The following ZNF429 variants were observed in gnomAD, a reference collection of about 807,000 sequenced individuals.
ZNF429 encodes the protein zinc finger protein 429.
In ZNF429, 53 loss-of-function variants were observed where a neutral mutation model predicts 56.8. The observed-to-expected ratio is 0.93, with a 90% confidence interval of 0.75 to 1.17. The LOEUF is 1.17. Among genes scored for constraint, ZNF429 ranks in the 50% most tolerant of loss-of-function variants. The probability of loss-of-function intolerance (pLI) is 0.00; values close to 1 mark genes in which losing one functional copy is unlikely to be tolerated. For synonymous variants in ZNF429, 278 were observed against 264.7 expected, an observed-to-expected ratio of 1.05 and a Z score of -0.49; for missense variants, 849 against 788.4, an observed-to-expected ratio of 1.08 and a Z score of -0.92.
intron 1 of ZNF429, among the ~76,000 whole-genome samples, chr19:21,511,949 C>T (rs919152871): frequency 1.7e-4 from 26 of 152,066 alleles, no homozygotes; most frequent in African/African-American, 5.8e-4. Flanking sequence ...TGGCGGTGCG[C>T]GCCTGGAATC....
intron 1 of ZNF429, among the ~76,000 whole-genome samples, chr19:21,511,859 A>G (rs7359908): frequency 0.81 from 122,556 of 152,036 alleles, 50,056 homozygotes; most frequent in African/African-American, 0.94. Flanking sequence ...CGGATCACTC[A>G]CGGTTAGGAG....
chr19:21,526,865 G>A (rs1017578422), intron 1 of ZNF429, among the ~76,000 whole-genome samples: 2 of 152,142 alleles, frequency 1.3e-5, no homozygotes, highest in Non-Finnish European at 2.9e-5. Context: ...TGTTCTTGCA[G>A]TCAATCTGGA....
chr19:21,511,452 G>C (rs1217452484), intron 1 of ZNF429, among the ~76,000 whole-genome samples: 2 of 151,892 alleles, frequency 1.3e-5, no homozygotes, highest in South Asian at 2.1e-4. Flanking sequence ...CAGTGGGGCA[G>C]AGGCGCTCCC....
chr19:21,538,025 G>A lies in ZNF429; in HGVS notation c.1972G>A (p.Gly658Arg). 6.2e-7 allele frequency: 1 copy of A among 1,605,868 alleles called. No homozygotes were observed. Among genetic ancestry groups the A allele is most frequent in the South Asian group, 1.1e-5 (1 of 90,760 alleles). The change falls in exon 4 of 4, where the codon GGA (glycine) becomes AGA (arginine). Residue 658 changes from glycine (G) to arginine (R), a missense_variant. By Grantham distance (125) the Gly-to-Arg change is moderately radical. Transcript: ENST00000358491. ...VAHACNPSTL[G>R]GRGGRITRSG... ...TCATGCCTGTAATCCCAGCACTTTG[G>A]GAGGCAGAGGTGGGCGGATCACGAG... is the stretch of plus-strand genomic sequence containing the variant.
At chr19:21,531,106 C>CAAAAAAAAAAAAAAAACA in intron 3 of ZNF429, among the ~76,000 whole-genome samples, 1 of 17,560 alleles carries the variant, frequency 5.7e-5, no homozygotes, top group African/African-American at 3.0e-4. Flanking sequence ...AACTCCATCT[C>CAAAAAAAAAAAAAAAACA]AAAAAAAAAA....
At chr19:21,533,910 T>A in intron 3 of ZNF429, among the ~76,000 whole-genome samples, 1 of 152,260 alleles carries the variant, frequency 6.6e-6, no homozygotes, top group Non-Finnish European at 1.5e-5. Flanking sequence ...TTAAAGAGAT[T>A]TTCTTTTCTC....
chr19:21,517,934 C>A (rs558028114), intron 1 of ZNF429, among the ~76,000 whole-genome samples: 19 of 151,718 alleles, frequency 1.3e-4, no homozygotes, highest in African/African-American at 4.4e-4. Context: ...GATGGGACTA[C>A]GGGCACCCGC....
chr19:21,533,940 A>G, intron 3 of ZNF429, among the ~76,000 whole-genome samples: 1 of 152,166 alleles, frequency 6.6e-6, no homozygotes, highest in South Asian at 2.1e-4. Context: ...CTCATGGCAC[A>G]CAACAGATCA....
chr19:21,531,125 A>AAC, intron 3 of ZNF429, among the ~76,000 whole-genome samples: 1 of 103,036 alleles, frequency 9.7e-6, no homozygotes, highest in African/African-American at 3.6e-5. Flanking sequence ...AAAAAAAAAA[A>AAC]AAAACCAAAA....
At chr19:21,508,635 T>C (rs2032303787) in intron 1 of ZNF429, among the ~76,000 whole-genome samples, 1 of 152,192 alleles carries the variant, frequency 6.6e-6, no homozygotes, top group Non-Finnish European at 1.5e-5. Flanking sequence ...TCTATCTTTT[T>C]TTTTTGTTAA....
intron 3 of ZNF429, among the ~76,000 whole-genome samples, chr19:21,531,351 AC>A: frequency 6.6e-6 from 1 of 152,114 alleles, no homozygotes; most frequent in African/African-American, 2.4e-5. Context: ...TGGGGACCCA[AC>A]AAAAGAGGCT....
chr19:21,534,650 A>G, intron 3 of ZNF429, among the ~76,000 whole-genome samples: 1 of 152,196 alleles, frequency 6.6e-6, no homozygotes, highest in African/African-American at 2.4e-5. Context: ...GATTAAAGGC[A>G]TGACCCACTG....
intron 1 of ZNF429, among the ~76,000 whole-genome samples, chr19:21,514,030 T>C (rs1008826337): frequency 6.6e-6 from 1 of 152,170 alleles, no homozygotes; most frequent in African/African-American, 2.4e-5. Context: ...GCAACCTGTT[T>C]TTCTCCACCA....
In ZNF429 at chr19:21,540,481, A is replaced by C. The variant is rs1200462216; in HGVS notation, c.*2403A>C. 6.6e-6 allele frequency among the ~76,000 whole-genome samples: 1 copy of C among 152,132 alleles called. No homozygotes were observed. Among genetic ancestry groups the C allele is most frequent in the Non-Finnish European group, 1.5e-5 (1 of 67,990 alleles). On this transcript the variant is annotated 3_prime_UTR_variant, in exon 4 of 4. Coordinates refer to ENST00000358491, the MANE Select transcript of ZNF429 (RefSeq NM_001001415.4). ...TTGATAGAGGCATACAATATGTAAT[A>C]ATTACATCAATTACATCAGGGTAAA...
At chr19:21,535,348 C>CT in intron 3 of ZNF429, among the ~76,000 whole-genome samples, 1 of 45,106 alleles carries the variant, frequency 2.2e-5, no homozygotes, top group East Asian at 5.8e-4. Flanking sequence ...TCTTTCCTTT[C>CT]CTTTCTTTTC....
chr19:21,507,826 A>G (rs1433713924), intron 1 of ZNF429, among the ~76,000 whole-genome samples: 5 of 152,192 alleles, frequency 3.3e-5, no homozygotes, highest in East Asian at 1.9e-4. Flanking sequence ...ACCCCTTCAG[A>G]TGTTAAGACT....
At position 21,540,142 on chromosome 19, in the gene ZNF429, A is replaced by G. The variant is rs1054970104; in HGVS notation, c.*2064A>G. 5.3e-5 allele frequency among the ~76,000 whole-genome samples: 8 copies of G among 152,172 alleles called. No homozygotes were observed. The South Asian group carries it at 1.4e-3, about 28-fold the overall frequency. ...ATGCAGTATATTTCAAAATTTTTAAATTATATGTAAATTTGATTTTATTTG... is the reference window on the plus strand; with the variant it reads ...ATGCAGTATATTTCAAAATTTTTAAGTTATATGTAAATTTGATTTTATTTG... On this transcript the variant is annotated 3_prime_UTR_variant, in exon 4 of 4. Transcript: ENST00000358491.
At chr19:21,511,818 C>G (rs1599436957) in intron 1 of ZNF429, among the ~76,000 whole-genome samples, 3 of 152,304 alleles carry the variant, frequency 2.0e-5, no homozygotes, top group African/African-American at 7.2e-5. Flanking sequence ...ACTCCTTCTG[C>G]AATCCCGGCA....
chr19:21,507,376 A>AT (rs1482666076), intron 1 of ZNF429: 2 of 152,156 alleles, frequency 1.3e-5, no homozygotes, highest in African/African-American at 4.8e-5. Context: ...TTAATTAAAC[A>AT]TTTTTTGACA....
Sources: allele counts gnomAD v4.1 joint callset (sites outside exome capture counted in the v4.1 genomes callset), GRCh38; gene constraint gnomAD v4.1.1; transcripts MANE v1.5; gene names NCBI Gene and HGNC (gene_info 2026-07-23, HGNC 2026-07-21).